DIP2B: variants seen among roughly 807,000 people sequenced by gnomAD.
DIP2B encodes disco-interacting protein 2 homolog B.
Under a neutral mutation model 198.0 loss-of-function variants are expected in DIP2B, and 76 were observed. The observed-to-expected ratio is 0.38, with a 90% CI of 0.32 to 0.46. DIP2B has a LOEUF of 0.46. Ranked by LOEUF, DIP2B falls within the 20% of genes least tolerant of loss-of-function variation. DIP2B has a pLI of 0.99. For synonymous variants in DIP2B, 701 were observed against 739.1 expected (o/e 0.95, Z 0.84); for missense variants, 1,559 against 1,978.4 (o/e 0.79, Z 4.02).
Position 50,675,364 on chromosome 12 carries a change from C to T in DIP2B, c.832C>T (p.Gln278Ter). Reference sequence around the variant, plus strand: ...CAGTAGCAGAGTATCTACAAAAATCCAGCAGCTTCTGAACACTCTGAAACG... The same window carrying T: ...CAGTAGCAGAGTATCTACAAAAATCTAGCAGCTTCTGAACACTCTGAAACG... Reference protein sequence around the residue: ...PVSSRVSTKIQQLLNTLKRPK... With the variant: ...PVSSRVSTKI The change falls in exon 7 of 38, where the codon CAG becomes TAG. Residue 278 changes from glutamine (Q) to a stop codon, truncating the protein, a stop_gained. Transcript: ENST00000301180. LOFTEE classifies it high-confidence loss of function. 1 of 1,613,230 alleles carries T rather than the reference C, an allele frequency of 6.2e-7. No individual in the cohort carries two copies. Among genetic ancestry groups the T allele is most frequent in the Non-Finnish European group, 8.5e-7 (1 of 1,179,428 alleles).
chr12:50,668,093 T>C (rs1487275829), intron 4 of DIP2B, among the ~76,000 whole-genome samples: 1 of 152,174 alleles, frequency 6.6e-6, no homozygotes, highest in Non-Finnish European at 1.5e-5. Context: ...CTCCAAGCTT[T>C]CTCGCGTGCA....
chr12:50,552,164 G>T (rs1275965533), intron 1 of DIP2B, among the ~76,000 whole-genome samples: 1 of 151,938 alleles, frequency 6.6e-6, no homozygotes, highest in African/African-American at 2.4e-5. Context: ...ATGATGTTGA[G>T]CATCTTTTCA....
intron 1 of DIP2B, among the ~76,000 whole-genome samples, chr12:50,525,772 C>G (rs1958159034): frequency 6.6e-6 from 1 of 152,164 alleles, no homozygotes; most frequent in Admixed American, 6.6e-5. Context: ...CTTGGCCTCC[C>G]AAAGTGCCGG....
intron 14 of DIP2B, 28 bp from the exon 15 acceptor site, chr12:50,695,238 AT>A (rs775139988): frequency 4.4e-6 from 7 of 1,583,394 alleles, no homozygotes; most frequent in Non-Finnish European, 5.2e-6. Context: ...TTTTGTATTG[AT>A]TACTTTTCTT....
chr12:50,641,021 A>G (rs1471799107), intron 3 of DIP2B, among the ~76,000 whole-genome samples, 169 bp downstream of exon 3: 1 of 152,144 alleles, frequency 6.6e-6, no homozygotes, highest in Non-Finnish European at 1.5e-5. Flanking sequence ...TGTATCAGGT[A>G]TAGTAGGTAC....
In DIP2B at chr12:50,516,241, CTCTCTA is replaced by C. The variant is rs768299705; in HGVS notation, c.100+11027_100+11032del. Among the ~76,000 whole-genome samples the C allele has an allele frequency of 4.1e-3, 574 of 141,072 alleles. 3 individuals are homozygous for C. The highest frequency in any genetic ancestry group is 0.015 in the Middle Eastern group (4 of 272). The allele number at this position is 141,072 out of a possible 152,430, so 92.5% of individuals were successfully genotyped here. A position where few individuals can be genotyped will look rare whatever the true frequency, so the allele number is the denominator to read the frequency against. On this transcript the variant is annotated intron_variant, in intron 1 of 37. Transcript: ENST00000301180. Reference sequence around the variant, plus strand: ...TCTCTCTCTCTCTCTCTCTCTCTCTCTCTCTATCTCTATCTCTATCTCTATCTCTAT... The same window carrying C: ...TCTCTCTCTCTCTCTCTCTCTCTCTCTCTCTATCTCTATCTCTATCTCTAT...
intron 1 of DIP2B, among the ~76,000 whole-genome samples, chr12:50,534,215 A>G (rs905810970): frequency 3.9e-5 from 6 of 152,188 alleles, no homozygotes; most frequent in African/African-American, 1.4e-4. Flanking sequence ...GTTGGCATCA[A>G]CAGGCTGAGG....
chr12:50,742,404 A>AAAAAAAAAAG (rs1940263615), intron 37 of DIP2B, among the ~76,000 whole-genome samples: 1 of 113,498 alleles, frequency 8.8e-6, no homozygotes, highest in Non-Finnish European at 2.1e-5. Flanking sequence ...CAAAAAAAAA[A>AAAAAAAAAAG]AAAAAAAAAA....
At position 50,614,922 on chromosome 12, in the gene DIP2B, AC is replaced by A. The variant is rs199837783; in HGVS notation, c.101-11053del. ...CCAGAGCAGTATGAATTGGCTACCAACAAAATTCTTCATCTCTTTAAAAGCT... is the reference window on the plus strand; with the variant it reads ...CCAGAGCAGTATGAATTGGCTACCAAAAAATTCTTCATCTCTTTAAAAGCT... On this transcript the variant is annotated intron_variant, in intron 1 of 37. Transcript: ENST00000301180. Among the ~76,000 whole-genome samples, 16 of 152,330 alleles carry A rather than the reference AC, an allele frequency of 1.1e-4. No homozygotes were observed. In the East Asian group the frequency reaches 2.5e-3, roughly 24 times the overall value.
At chr12:50,727,598 G>T in intron 28 of DIP2B, 105 bp from the exon 29 acceptor site, 1 of 979,330 alleles carries the variant, frequency 1.0e-6, no homozygotes, top group East Asian at 2.4e-5. Flanking sequence ...CTAAGCTTTA[G>T]CAAATCTGCG....
chr12:50,738,760 G>A (rs889493799), intron 35 of DIP2B, among the ~76,000 whole-genome samples: 6 of 152,150 alleles, frequency 3.9e-5, no homozygotes, highest in Non-Finnish European at 7.3e-5. Flanking sequence ...GATTACAAGC[G>A]TGAGCCACCA....
chr12:50,633,403 A>G (rs1014581598), intron 2 of DIP2B: 1 of 152,220 alleles, frequency 6.6e-6, no homozygotes, highest in East Asian at 1.9e-4. Context: ...GTAACATGTC[A>G]TTGTGTAAGG....
chr12:50,520,035 CT>C (rs35179881), intron 1 of DIP2B, among the ~76,000 whole-genome samples: 19,427 of 99,768 alleles, frequency 0.19, 756 homozygotes, highest in East Asian at 0.29. Flanking sequence ...ATTGAATCTC[CT>C]TTTTTTTTTT....
At chr12:50,618,245 A>G (rs1385792383) in intron 1 of DIP2B, among the ~76,000 whole-genome samples, 1 of 152,180 alleles carries the variant, frequency 6.6e-6, no homozygotes, top group Non-Finnish European at 1.5e-5. Flanking sequence ...TTGAAGAGTG[A>G]AGTAAATTGA....
chr12:50,694,235 C>T (rs1038519429), intron 14 of DIP2B, among the ~76,000 whole-genome samples: 10 of 152,128 alleles, frequency 6.6e-5, no homozygotes, highest in Admixed American at 1.3e-4. Flanking sequence ...GTGACTCAGG[C>T]CTGTAATCCC....
At chr12:50,588,471 G>A (rs1367699125) in intron 1 of DIP2B, among the ~76,000 whole-genome samples, 4 of 152,148 alleles carry the variant, frequency 2.6e-5, no homozygotes, top group East Asian at 3.8e-4. Flanking sequence ...TACTTATACT[G>A]TACTGAACAC....
At position 50,727,785 on chromosome 12, in the gene DIP2B, C is replaced by T. The variant is rs1243161691; in HGVS notation, c.3483C>T (p.Ser1161=). The T allele has an allele frequency of 6.2e-7, 1 of 1,614,086 alleles. No individual in the cohort carries two copies. The highest frequency in any genetic ancestry group is 8.5e-7 in the Non-Finnish European group (1 of 1,180,000). The stretch of plus-strand genomic sequence containing the variant: ...TGGCATATCTTGATTTTAGTGTCTC[C>T]ACAACTGGCATGCTTACAGGAGTGA... ...EMLAYLDFSV[S]TTGMLTGVKM... Residue 1161 remains serine, a synonymous_variant, in exon 29 of 38, where the codon TCC becomes TCT. Coordinates refer to ENST00000301180, the MANE Select transcript of DIP2B (RefSeq NM_173602.3).
At chr12:50,605,728 C>T (rs1958975278) in intron 1 of DIP2B, among the ~76,000 whole-genome samples, 2 of 152,176 alleles carry the variant, frequency 1.3e-5, no homozygotes, top group Admixed American at 1.3e-4. Context: ...GCTTCTTTCA[C>T]TTACCATGTT....
intron 1 of DIP2B, among the ~76,000 whole-genome samples, chr12:50,538,115 G>C (rs1422032887): frequency 3.9e-5 from 6 of 152,116 alleles, no homozygotes; most frequent in African/African-American, 1.4e-4. Context: ...AGAAAAGCTT[G>C]TGTTGGTGTG....
Sources: allele counts gnomAD v4.1 joint callset (sites outside exome capture counted in the v4.1 genomes callset), GRCh38; gene constraint gnomAD v4.1.1; transcripts MANE v1.5; gene names NCBI Gene and HGNC (gene_info 2026-07-23, HGNC 2026-07-21).